Variants in CDK14 observed in about 807,000 individuals in gnomAD.
The protein encoded by CDK14 is cyclin-dependent kinase 14.
CDK14 carries 34 observed loss-of-function variants against 60.7 expected under a neutral mutation model. The ratio of observed to expected loss-of-function variants is 0.56; its 90% confidence interval spans 0.43 to 0.75. The LOEUF is 0.75. Among genes scored for constraint, CDK14 ranks in the 30% least tolerant of loss-of-function variants. The probability of loss-of-function intolerance (pLI) is 0.00; values close to 1 mark genes in which losing one functional copy is unlikely to be tolerated. For missense variants in CDK14, 482 were observed against 564.1 expected (o/e 0.85, Z 1.47); for synonymous variants, 197 against 203.7 (o/e 0.97, Z 0.28).
At chr7:90,820,760 C>A (rs2117076201) in intron 5 of CDK14, among the ~76,000 whole-genome samples, 1 of 152,242 alleles carries the variant, frequency 6.6e-6, no homozygotes, top group African/African-American at 2.4e-5. Context: ...CTGATTTAGC[C>A]CCAAATTTCA....
At chr7:90,668,080 T>A (rs1042887823) in intron 2 of CDK14, among the ~76,000 whole-genome samples, 1 of 152,200 alleles carries the variant, frequency 6.6e-6, no homozygotes, top group African/African-American at 2.4e-5. Flanking sequence ...TACGTATAAC[T>A]TTTTGCGGAA....
intron 4 of CDK14, among the ~76,000 whole-genome samples, chr7:90,776,178 A>G (rs1397667895): frequency 6.6e-6 from 1 of 151,974 alleles, no homozygotes; most frequent in African/African-American, 2.4e-5. Context: ...ATGTGTTTGG[A>G]GTTCTTCCAT....
chr7:90,686,310 T>C (rs1384133258), intron 2 of CDK14, among the ~76,000 whole-genome samples: 1 of 152,186 alleles, frequency 6.6e-6, no homozygotes, highest in Non-Finnish European at 1.5e-5. Flanking sequence ...TATTTAGCCT[T>C]CTTTTTCCAA....
At chr7:91,137,697 TGTG>T (rs1162128041) in intron 14 of CDK14, among the ~76,000 whole-genome samples, 3 of 51,578 alleles carry the variant, frequency 5.8e-5, no homozygotes, top group African/African-American at 3.3e-4. Flanking sequence ...GTGGGGGGTG[TGTG>T]TGTGTGTGTG....
At chr7:90,922,562 A>G (rs984520899) in intron 8 of CDK14, among the ~76,000 whole-genome samples, 1 of 152,188 alleles carries the variant, frequency 6.6e-6, no homozygotes, top group Non-Finnish European at 1.5e-5. Flanking sequence ...AGACAAAGTT[A>G]TTTCCCTTTG....
intron 14 of CDK14, among the ~76,000 whole-genome samples, chr7:91,179,657 G>A (rs1801928084): frequency 6.6e-6 from 1 of 152,018 alleles, no homozygotes; most frequent in Non-Finnish European, 1.5e-5. Context: ...AAAAAAATTA[G>A]CCGGGCGTGG....
At chr7:90,649,240 C>CTTTCTTTGTTTCTTTGTTTCTTTGTTTG in intron 2 of CDK14, among the ~76,000 whole-genome samples, 1 of 30,290 alleles carries the variant, frequency 3.3e-5, no homozygotes, top group East Asian at 9.0e-4. Flanking sequence ...CCTATAGTTT[C>CTTTCTTTGTTTCTTTGTTTCTTTGTTTG]TTTCTTTCTT....
intron 2 of CDK14, among the ~76,000 whole-genome samples, chr7:90,685,118 C>T (rs4728925): frequency 0.86 from 130,653 of 151,952 alleles, 56,461 homozygotes; most frequent in East Asian, 1. Flanking sequence ...TATTTACATG[C>T]TTTAATTACC....
intron 2 of CDK14, among the ~76,000 whole-genome samples, chr7:90,626,075 C>T (rs1799869954): frequency 6.6e-6 from 1 of 152,180 alleles, no homozygotes; most frequent in African/African-American, 2.4e-5. Flanking sequence ...GTGACTTCCA[C>T]TGGTAGCACC....
intron 4 of CDK14, among the ~76,000 whole-genome samples, chr7:90,751,956 G>A (rs1584857125): frequency 6.6e-6 from 1 of 152,182 alleles, no homozygotes; most frequent in East Asian, 1.9e-4. Context: ...ATGATAAAGT[G>A]TTCAATTCAA....
At chr7:91,124,247 G>A (rs1489225134) in intron 14 of CDK14, among the ~76,000 whole-genome samples, 8 of 152,002 alleles carry the variant, frequency 5.3e-5, no homozygotes, top group Non-Finnish European at 8.8e-5. Context: ...TGCAAGAATA[G>A]CACAAGAATT....
intron 2 of CDK14, among the ~76,000 whole-genome samples, chr7:90,610,879 G>T (rs1006384836): frequency 6.6e-6 from 1 of 152,088 alleles, no homozygotes; most frequent in South Asian, 2.1e-4. Flanking sequence ...TTAAGACTTC[G>T]ATATATGAAT....
intron 14 of CDK14, among the ~76,000 whole-genome samples, chr7:91,144,687 A>G (rs568916279): frequency 3.3e-5 from 5 of 152,314 alleles, no homozygotes; most frequent in African/African-American, 1.2e-4. Context: ...GGTGCCTTAA[A>G]ATACCAACAA....
At chr7:90,709,514 AGT>A in intron 2 of CDK14, 3 of 1,610,648 alleles carry the variant, frequency 1.9e-6, no homozygotes, top group Non-Finnish European at 2.5e-6. Flanking sequence ...CTGAAAAGAC[AGT>A]GTGTTGTGAA....
chr7:90,685,991 G>C (rs1018586080), intron 2 of CDK14, among the ~76,000 whole-genome samples: 1 of 151,700 alleles, frequency 6.6e-6, no homozygotes, highest in Non-Finnish European at 1.5e-5. Flanking sequence ...TTTTAGTATT[G>C]GTACATAAGA....
chr7:91,187,641 A>G (rs1195385492), intron 14 of CDK14, among the ~76,000 whole-genome samples: 4 of 152,196 alleles, frequency 2.6e-5, no homozygotes, highest in African/African-American at 9.7e-5. Flanking sequence ...GAGGTTTAAT[A>G]GGCAAAAGAA....
rs1796372762 is a variant in CDK14 at position 91,019,029 on chromosome 7, G to T, written c.1042-26868G>T. Among the ~76,000 whole-genome samples, 3 of 152,058 alleles carry T rather than the reference G, an allele frequency of 2.0e-5. No homozygotes were observed. In the South Asian group the frequency reaches 6.2e-4, roughly 32 times the overall value. ...GATTAGGTTTTAGCCTGTGAATTCT[G>T]GGGGGACATAAACATTCAGACCACA... On this transcript the variant is annotated intron_variant, in intron 10 of 14. Coordinates refer to ENST00000380050, the MANE Select transcript of CDK14 (RefSeq NM_001287135.2).
chr7:90,903,841 G>A (rs1229468540), intron 7 of CDK14, among the ~76,000 whole-genome samples: 1 of 152,120 alleles, frequency 6.6e-6, no homozygotes, highest in Non-Finnish European at 1.5e-5. Context: ...CAAATAGTAT[G>A]TATTAATAAA....
At chr7:91,136,951 A>G (rs1800295593) in intron 14 of CDK14, among the ~76,000 whole-genome samples, 2 of 152,230 alleles carry the variant, frequency 1.3e-5, no homozygotes, top group Non-Finnish European at 2.9e-5. Flanking sequence ...TTCTAAGAGA[A>G]AAGTTATGCC....
Sources: gnomAD v4.1 joint callset for allele counts (sites outside exome capture counted in the v4.1 genomes callset) on GRCh38, gnomAD v4.1.1 for gene constraint, MANE v1.5 for transcripts, NCBI Gene and HGNC (gene_info 2026-07-23, HGNC 2026-07-21) for gene names.